PHLPP1: variants seen among roughly 807,000 people sequenced by gnomAD.
PHLPP1 encodes PH domain and leucine rich repeat protein phosphatase 1.
PHLPP1 carries 42 observed loss-of-function variants against 117.2 expected under a neutral mutation model. The observed-to-expected ratio is 0.36, with a 90% CI of 0.28 to 0.46. The LOEUF (loss-of-function observed/expected upper bound fraction) is 0.46. Among genes scored for constraint, PHLPP1 ranks in the 20% least tolerant of loss-of-function variants. The pLI is 1.00. For missense variants in PHLPP1, 2,084 were observed against 2,241.9 expected (o/e 0.93, Z 1.42); for synonymous variants, 1,042 against 970.7 (o/e 1.07, Z -1.37).
intron 11 of PHLPP1, among the ~76,000 whole-genome samples, chr18:62,943,934 A>G (rs1910203076): frequency 6.6e-6 from 1 of 152,180 alleles, no homozygotes; most frequent in Non-Finnish European, 1.5e-5. Flanking sequence ...ACCACACTGG[A>G]TGTATATGAT....
chr18:62,750,034 AAAAAC>A (rs1412587466), intron 1 of PHLPP1, among the ~76,000 whole-genome samples: 2 of 152,134 alleles, frequency 1.3e-5, no homozygotes, highest in Non-Finnish European at 2.9e-5. Flanking sequence ...AGCAAAAACA[AAAAAC>A]AAAACAAAAC....
intron 12 of PHLPP1, among the ~76,000 whole-genome samples, chr18:62,955,543 A>T (rs1910586404): frequency 6.6e-6 from 1 of 152,164 alleles, no homozygotes; most frequent in African/African-American, 2.4e-5. Context: ...AGTGAATCAG[A>T]GACTCTGTCA....
At chr18:62,900,516 C>G (rs1701768) in intron 6 of PHLPP1, among the ~76,000 whole-genome samples, 3 of 141,246 alleles carry the variant, frequency 2.1e-5, no homozygotes, top group African/African-American at 8.1e-5. Context: ...GCTTGTTACC[C>G]AAGCTGTGGT....
Position 62,781,603 on chromosome 18 carries a change from A to G in PHLPP1, c.1577-48432A>G, listed in dbSNP as rs569167674. On this transcript the variant is annotated intron_variant, in intron 1 of 16. Coordinates refer to ENST00000262719, the MANE Select transcript of PHLPP1 (RefSeq NM_194449.4). ...GTTTTGTATTCCTCTTTCTGGCTCC[A>G]TGTGAAAAACAGTGTGATTAGAGGT... 2.0e-5 allele frequency among the ~76,000 whole-genome samples: 3 copies of G among 152,204 alleles called. No homozygotes were observed. The South Asian group carries it at 6.2e-4, about 32-fold the overall frequency.
intron 1 of PHLPP1, among the ~76,000 whole-genome samples, chr18:62,800,675 A>G (rs1913752316): frequency 6.6e-6 from 1 of 151,876 alleles, no homozygotes; most frequent in South Asian, 2.1e-4. Context: ...ACTTTGGTTC[A>G]TGTTACTTGT....
At chr18:62,828,596 A>G (rs1351915047) in intron 1 of PHLPP1, among the ~76,000 whole-genome samples, 1 of 152,156 alleles carries the variant, frequency 6.6e-6, no homozygotes, top group Non-Finnish European at 1.5e-5. Context: ...CCTGTGGCTT[A>G]TTTCCTAACA....
At position 62,979,210 on chromosome 18, in the gene PHLPP1, C is replaced by G; in HGVS notation, c.4933C>G (p.Leu1645Val). Residue 1645 changes from leucine (L) to valine (V), a missense_variant, in exon 17 of 17, where the codon CTT becomes GTT. Leu to Val is a conservative substitution (Grantham distance 32). Transcript: ENST00000262719. ...NVIEVATDAP[L>V]RKPGGYFAAP... The stretch of plus-strand genomic sequence containing the variant: ...GATAGAGGTGGCTACAGACGCACCT[C>G]TTCGAAAGCCTGGAGGCTATTTTGC... The G allele has an allele frequency of 6.2e-7, 1 of 1,611,136 alleles. No individual in the cohort carries two copies. Among genetic ancestry groups the G allele is most frequent in the South Asian group, 1.1e-5 (1 of 90,394 alleles).
chr18:62,912,316 T>TA (rs71340131), intron 8 of PHLPP1, among the ~76,000 whole-genome samples: 18,650 of 140,214 alleles, frequency 0.13, 1,613 homozygotes, highest in African/African-American at 0.25. Flanking sequence ...AAAAAAAAAT[T>TA]AAAAAAAAAA....
chr18:62,979,441 G>GCTGTTTAA lies in PHLPP1; in HGVS notation c.*12_*19dup, dbSNP rs1568181398. The GCTGTTTAA allele has an allele frequency of 6.5e-7, 1 of 1,549,090 alleles. No individual in the cohort carries two copies. The highest frequency in any genetic ancestry group is 2.4e-5 in the East Asian group (1 of 40,878). On this transcript the variant is annotated 3_prime_UTR_variant, in exon 17 of 17. Transcript: ENST00000262719. ...CGACACGCCACTATGACCCAGCCGA[G>GCTGTTTAA]CTGTTTAACAAATAAACTAACCACA...
intron 12 of PHLPP1, among the ~76,000 whole-genome samples, chr18:62,952,265 G>A (rs1285452326): frequency 6.6e-6 from 1 of 151,984 alleles, no homozygotes; most frequent in Non-Finnish European, 1.5e-5. Flanking sequence ...GTCTCTTTGG[G>A]GATAAAAAAA....
At chr18:62,852,209 A>G (rs990273040) in intron 3 of PHLPP1, among the ~76,000 whole-genome samples, 4 of 152,032 alleles carry the variant, frequency 2.6e-5, no homozygotes, top group Non-Finnish European at 5.9e-5. Flanking sequence ...ATCTTTTTCC[A>G]TCTCATTTAA....
At chr18:62,844,692 T>A (rs1456472866) in intron 3 of PHLPP1, among the ~76,000 whole-genome samples, 4 of 152,206 alleles carry the variant, frequency 2.6e-5, no homozygotes, top group African/African-American at 9.7e-5. Context: ...CACCATTATC[T>A]ATATGTGTGT....
At chr18:62,771,163 G>A (rs931116509) in intron 1 of PHLPP1, among the ~76,000 whole-genome samples, 4 of 149,790 alleles carry the variant, frequency 2.7e-5, no homozygotes, top group Admixed American at 2.0e-4. Context: ...GCAGTGAGCC[G>A]AGATTGCGCC....
At chr18:62,914,835 A>G in intron 8 of PHLPP1, 78 bp from the exon 9 acceptor site, 1 of 944,568 alleles carries the variant, frequency 1.1e-6, no homozygotes, top group South Asian at 1.5e-5. Flanking sequence ...GGTTTTATTT[A>G]TTCTTTGTAA....
At chr18:62,722,316 T>C (rs942565935) in intron 1 of PHLPP1, among the ~76,000 whole-genome samples, 4 of 152,190 alleles carry the variant, frequency 2.6e-5, no homozygotes, top group Non-Finnish European at 5.9e-5. Context: ...GATTTTGTTA[T>C]GTGCCAGGGT....
intron 10 of PHLPP1, among the ~76,000 whole-genome samples, chr18:62,926,847 A>G (rs1276695082): frequency 1.3e-5 from 2 of 152,192 alleles, no homozygotes; most frequent in Non-Finnish European, 2.9e-5. Flanking sequence ...TGAGAGGATA[A>G]TTTATAAATA....
chr18:62,719,407 TGCAAAGAAG>T (rs1910850978), intron 1 of PHLPP1, among the ~76,000 whole-genome samples: 1 of 152,224 alleles, frequency 6.6e-6, no homozygotes, highest in African/African-American at 2.4e-5. Flanking sequence ...CTTGAATTTT[TGCAAAGAAG>T]TTCAGTTATT....
At chr18:62,893,208 A>T (rs1916470226) in intron 4 of PHLPP1, among the ~76,000 whole-genome samples, 1 of 151,588 alleles carries the variant, frequency 6.6e-6, no homozygotes, top group Non-Finnish European at 1.5e-5. Context: ...TGGCTGGCTA[A>T]TTTTTTTTGT....
Position 62,913,715 on chromosome 18 carries a change from C to T in PHLPP1, c.2709-1198C>T, listed in dbSNP as rs913822587. On this transcript the variant is annotated intron_variant, in intron 8 of 16. Coordinates refer to ENST00000262719, the MANE Select transcript of PHLPP1 (RefSeq NM_194449.4). ...TCAATTCATTTAATAGTTAAAGACA[C>T]CATTAGTTTAGTTCTCTCTCTCTCT... 4.0e-5 allele frequency among the ~76,000 whole-genome samples: 6 copies of T among 150,622 alleles called. No individual in the cohort carries two copies. In the South Asian group the frequency reaches 6.3e-4, roughly 16 times the overall value.
Sources: allele counts gnomAD v4.1 joint callset (sites outside exome capture counted in the v4.1 genomes callset), GRCh38; gene constraint gnomAD v4.1.1; transcripts MANE v1.5; gene names NCBI Gene and HGNC (gene_info 2026-07-23, HGNC 2026-07-21).